Variants in CAPN9 observed in about 807,000 individuals in gnomAD.
CAPN9 encodes the protein calpain-9.
Under a neutral mutation model 92.8 loss-of-function variants are expected in CAPN9, and 81 were observed. The observed-to-expected ratio is 0.87, with a 90% confidence interval of 0.73 to 1.05. The LOEUF is 1.05. Ranked by LOEUF, CAPN9 falls within the 50% of genes least tolerant of loss-of-function variation. The probability of loss-of-function intolerance (pLI) is 0.00; values close to 1 mark genes in which losing one functional copy is unlikely to be tolerated. For missense variants in CAPN9, 848 were observed against 866.2 expected (o/e 0.98, Z 0.26); for synonymous variants, 304 against 328.0 (o/e 0.93, Z 0.79).
chr1:230,772,152 G>A lies in CAPN9; in HGVS notation c.875+53G>A, dbSNP rs16852629. On this transcript the variant is annotated intron_variant, in intron 7 of 19. Transcript: ENST00000271971. Reference sequence around the variant, plus strand: ...CTGGTTCCCGGGGCGTGTGGGGCCAGAGCTGGCTTGTGCAGACATGTGAAG... The same window carrying A: ...CTGGTTCCCGGGGCGTGTGGGGCCAAAGCTGGCTTGTGCAGACATGTGAAG... The A allele has an allele frequency of 6.7e-3, 9,984 of 1,479,476 alleles. 496 individuals are homozygous for A. In the African/African-American group the frequency reaches 0.11, roughly 17 times the overall value. The allele number at this position is 1,479,476 out of a possible 1,614,324, so 91.6% of individuals were successfully genotyped here.
chr1:230,785,659 C>T (rs1667531461), intron 11 of CAPN9, among the ~76,000 whole-genome samples: 1 of 152,200 alleles, frequency 6.6e-6, no homozygotes, highest in African/African-American at 2.4e-5. Flanking sequence ...CAGCACTGTG[C>T]TCCTGTAAAG....
At position 230,747,517 on chromosome 1, in the gene CAPN9, C is replaced by T. The variant is rs1321797602; in HGVS notation, c.21C>T (p.Ala7=). The T allele has an allele frequency of 1.9e-6, 3 of 1,614,010 alleles. No homozygotes were observed. Among genetic ancestry groups the T allele is most frequent in the Non-Finnish European group, 1.7e-6 (2 of 1,180,038 alleles). The change falls in exon 1 of 20, where the codon GCC becomes GCT. Residue 7 remains alanine, a synonymous_variant. Transcript: ENST00000271971. ...CAGCCATGCCTTACCTCTACCGGGC[C>T]CCAGGGCCTCAGGCACACCCGGTTC... MPYLYR[A]PGPQAHPVPK...
intron 2 of CAPN9, among the ~76,000 whole-genome samples, chr1:230,757,293 C>T (rs1175377047): frequency 6.6e-6 from 1 of 152,172 alleles, no homozygotes; most frequent in Non-Finnish European, 1.5e-5. Flanking sequence ...CTCCCTGCCG[C>T]TGCCCACCTC....
In CAPN9 at chr1:230,769,649, CTATCT is replaced by C. The variant is rs1373917381; in HGVS notation, c.789+387_789+391del. Among the ~76,000 whole-genome samples the C allele has an allele frequency of 6.2e-5, 8 of 129,262 alleles. 2 individuals are homozygous for C. In the Admixed American group the frequency reaches 6.4e-4, roughly 10 times the overall value. 84.8% of individuals were successfully genotyped at this position (129,262 alleles called of 152,430 possible). On this transcript the variant is annotated intron_variant, in intron 6 of 19. Coordinates refer to ENST00000271971, the MANE Select transcript of CAPN9 (RefSeq NM_006615.3). ...TCTATCTATCTATCTATCTATCTAT[CTATCT>C]ATCTATCTATCTATCTATCTATCTA... is the stretch of plus-strand genomic sequence containing the variant.
Position 230,747,554 on chromosome 1 carries a change from C to G in CAPN9, c.58C>G (p.Arg20Gly), listed in dbSNP as rs980040631. ...GGCACACCCGGTTCCCAAGGACGCC[C>G]GGATCACCCACTCCTCAGGCCAGAG... is the stretch of plus-strand genomic sequence containing the variant. ...PQAHPVPKDA[R>G]ITHSSGQSFE... Residue 20 changes from arginine to glycine, a missense_variant, in exon 1 of 20, where the codon CGG becomes GGG. Physicochemically the swap from Arg to Gly is moderately radical, Grantham distance 125 (BLOSUM62 -2). Transcript: ENST00000271971. 1 of 1,614,180 alleles carries G rather than the reference C, an allele frequency of 6.2e-7. No individual in the cohort carries two copies. The highest frequency in any genetic ancestry group is 8.5e-7 in the Non-Finnish European group (1 of 1,180,038).
chr1:230,767,459 T>A lies in CAPN9; in HGVS notation c.537-82T>A. 29 of 1,181,142 alleles carry A rather than the reference T, an allele frequency of 2.5e-5. No individual in the cohort carries two copies. The South Asian group carries it at 4.2e-4, about 17-fold the overall frequency. The allele number at this position is 1,181,142 out of a possible 1,614,324, so 73.2% of individuals were successfully genotyped here. Reference sequence around the variant, plus strand: ...GCCCTGGGAGATGCTTCAGGCTTAGTTAGAAAAGCTCTGAAAGCAGGGTGC... The same window carrying A: ...GCCCTGGGAGATGCTTCAGGCTTAGATAGAAAAGCTCTGAAAGCAGGGTGC... On this transcript the variant is annotated intron_variant, in intron 4 of 19. Coordinates refer to ENST00000271971, the MANE Select transcript of CAPN9 (RefSeq NM_006615.3).
intron 16 of CAPN9, among the ~76,000 whole-genome samples, 155 bp downstream of exon 16, chr1:230,792,649 T>C (rs1300503870): frequency 6.6e-6 from 1 of 152,198 alleles, no homozygotes; most frequent in Non-Finnish European, 1.5e-5. Flanking sequence ...TTCCGATGCT[T>C]ACGGGAGTAC....
intron 13 of CAPN9, among the ~76,000 whole-genome samples, chr1:230,789,677 T>G (rs1667849537): frequency 6.6e-6 from 1 of 152,116 alleles, no homozygotes; most frequent in Non-Finnish European, 1.5e-5. Flanking sequence ...TCCTCTGATT[T>G]CAAGATTCCC....
At chr1:230,756,640 A>G (rs549315704) in intron 2 of CAPN9, among the ~76,000 whole-genome samples, 10 of 152,274 alleles carry the variant, frequency 6.6e-5, no homozygotes, top group African/African-American at 2.4e-4. Context: ...ACAGACAGAA[A>G]ATACCGTGTT....
Position 230,754,623 on chromosome 1 carries a change from G to A in CAPN9, c.214-714G>A, listed in dbSNP as rs1053553433. 1.2e-4 allele frequency among the ~76,000 whole-genome samples: 16 copies of A among 138,152 alleles called. No homozygotes were observed. In the South Asian group the frequency reaches 1.6e-3, roughly 14 times the overall value. The allele number at this position is 138,152 out of a possible 152,430, so 90.6% of individuals were successfully genotyped here. A position where few individuals can be genotyped will look rare whatever the true frequency, so the allele number is the denominator to read the frequency against. On this transcript the variant is annotated intron_variant, in intron 1 of 19. Coordinates refer to ENST00000271971, the MANE Select transcript of CAPN9 (RefSeq NM_006615.3). Reference sequence around the variant, plus strand: ...TTGAGACCAGCCTGGGCAACATAGCGAGACCCCCATCTCCACAAAAAAAAA... The same window carrying A: ...TTGAGACCAGCCTGGGCAACATAGCAAGACCCCCATCTCCACAAAAAAAAA...
chr1:230,798,718 GAGA>G (rs1205519120), intron 19 of CAPN9, among the ~76,000 whole-genome samples: 5 of 152,190 alleles, frequency 3.3e-5, no homozygotes, highest in Admixed American at 1.3e-4. Context: ...AGAGGTATGG[GAGA>G]AGGATTCCAG....
chr1:230,751,574 GAAGAAAGAAAC>G (rs1664776325), intron 1 of CAPN9, among the ~76,000 whole-genome samples: 2 of 82,558 alleles, frequency 2.4e-5, no homozygotes, highest in Non-Finnish European at 2.2e-5. Context: ...AAGAAAGAAA[GAAGAAAGAAAC>G]AAAGAAAGAA....
At position 230,792,907 on chromosome 1, in the gene CAPN9, C is replaced by T. The variant is rs761567743; in HGVS notation, c.1849C>T (p.Arg617Trp). 8.1e-6 allele frequency: 13 copies of T among 1,613,486 alleles called. No individual in the cohort carries two copies. The highest frequency in any genetic ancestry group is 1.1e-5 in the Non-Finnish European group (13 of 1,179,570). The change falls in exon 17 of 20, where the codon CGG (arginine) becomes TGG (tryptophan). Residue 617 changes from arginine to tryptophan, a missense_variant. Transcript: ENST00000271971. The stretch of plus-strand genomic sequence containing the variant: ...CGGCACCATGTCTACCTATGAACTA[C>T]GGACTGCACTGAAAGCTGCAGGTAA... ...KSGTMSTYEL[R>W]TALKAAGFQL...
intron 3 of CAPN9, among the ~76,000 whole-genome samples, chr1:230,762,312 C>G (rs186617724): frequency 2.6e-5 from 4 of 152,212 alleles, no homozygotes; most frequent in East Asian, 1.9e-4. Flanking sequence ...CTCCCTCCCC[C>G]ACAAAAACAA....
intron 8 of CAPN9, among the ~76,000 whole-genome samples, chr1:230,777,832 C>T (rs1249653505): frequency 6.6e-6 from 1 of 152,156 alleles, no homozygotes; most frequent in Non-Finnish European, 1.5e-5. Flanking sequence ...TCTCAACATC[C>T]TGTCCTGGCC....
intron 1 of CAPN9, among the ~76,000 whole-genome samples, chr1:230,751,609 GAGAAAGAAAGAAAGAAAGAA>G (rs1168833010): frequency 0.013 from 401 of 31,834 alleles, 7 homozygotes; most frequent in Middle Eastern, 0.042. Context: ...AAGAAAGAAA[GAGAAAGAAAGAAAGAAAGAA>G]AGAAAGAAAG....
chr1:230,756,073 G>A (rs1282406809), intron 2 of CAPN9, among the ~76,000 whole-genome samples: 2 of 152,186 alleles, frequency 1.3e-5, no homozygotes, highest in African/African-American at 2.4e-5. Flanking sequence ...GAGAAAGTGA[G>A]AGAGCGAGAG....
chr1:230,757,563 G>A lies in CAPN9; in HGVS notation c.284-1949G>A, dbSNP rs566875598. 3.9e-5 allele frequency among the ~76,000 whole-genome samples: 6 copies of A among 152,104 alleles called. No individual in the cohort carries two copies. The East Asian group carries it at 5.8e-4, about 15-fold the overall frequency. ...AAGAATAACAAGAAAATGAACAGCCGTGATCTGTTGCCACCCACAATAAGA... is the reference window on the plus strand; with the variant it reads ...AAGAATAACAAGAAAATGAACAGCCATGATCTGTTGCCACCCACAATAAGA... On this transcript the variant is annotated intron_variant, in intron 2 of 19. Coordinates refer to ENST00000271971, the MANE Select transcript of CAPN9 (RefSeq NM_006615.3).
At position 230,791,912 on chromosome 1, in the gene CAPN9, T is replaced by A. The variant is rs948510720; in HGVS notation, c.1706T>A (p.Ile569Asn). 1.2e-6 allele frequency: 2 copies of A among 1,612,724 alleles called. No homozygotes were observed. The highest frequency in any genetic ancestry group is 8.5e-7 in the Non-Finnish European group (1 of 1,178,706). Residue 569 changes from isoleucine (I) to asparagine (N), a missense_variant, in exon 15 of 20, where the codon ATC (isoleucine) becomes AAC (asparagine). Transcript: ENST00000271971. ...KKLSLISCKN[I>N]ISLMDTSGNG... ...CTAAGCCTGATCTCCTGTAAAAACA[T>A]CATTTCCCTGATGGACGTATCCTTC...
Sources: allele counts gnomAD v4.1 joint callset (sites outside exome capture counted in the v4.1 genomes callset), GRCh38; gene constraint gnomAD v4.1.1; transcripts MANE v1.5; gene names NCBI Gene and HGNC (gene_info 2026-07-23, HGNC 2026-07-21).